The following METTL15 variants were observed in gnomAD, a reference collection of about 807,000 sequenced individuals.
METTL15 encodes 12S rRNA N(4)-cytidine methyltransferase METTL15.
METTL15 carries 34 observed loss-of-function variants against 38.3 expected under a neutral mutation model. The observed-to-expected ratio is 0.89, with a 90% CI of 0.68 to 1.18. METTL15 has a LOEUF of 1.18. Ranked by LOEUF, METTL15 falls within the 50% of genes most tolerant of loss-of-function variation. METTL15 has a pLI of 0.00. For synonymous variants in METTL15, 162 were observed against 170.9 expected, an observed-to-expected ratio of 0.95 and a Z score of 0.41; for missense variants, 438 against 498.4, an observed-to-expected ratio of 0.88 and a Z score of 1.15.
chr11:28,382,380 T>C (rs1850396783), intron 5 of METTL15, among the ~76,000 whole-genome samples: 1 of 152,172 alleles, frequency 6.6e-6, no homozygotes, highest in Non-Finnish European at 1.5e-5. Context: ...TGATGTTTCC[T>C]GTAGGTGAGG....
downstream of METTL15, among the ~76,000 whole-genome samples, chr11:28,531,809 C>T (rs987875290): frequency 2.2e-4 from 34 of 151,998 alleles, no homozygotes; most frequent in African/African-American, 7.7e-4. Context: ...AATCAAATAA[C>T]AAACAGCAAT....
chr11:28,490,115 A>G (rs1851482332), intron 6 of METTL15, among the ~76,000 whole-genome samples: 1 of 152,110 alleles, frequency 6.6e-6, no homozygotes, highest in Admixed American at 6.5e-5. Flanking sequence ...TTCTTGAAGA[A>G]CTTTACTTAT....
chr11:28,276,109 A>G (rs1855832699), intron 4 of METTL15, among the ~76,000 whole-genome samples: 1 of 152,126 alleles, frequency 6.6e-6, no homozygotes, highest in South Asian at 2.1e-4. Flanking sequence ...TAAGCAGGCA[A>G]GAGAAAGAAA....
chr11:28,529,439 A>G (rs934622785), downstream of METTL15, among the ~76,000 whole-genome samples: 2 of 152,046 alleles, frequency 1.3e-5, no homozygotes, highest in African/African-American at 4.8e-5. Flanking sequence ...TTATTCTTCC[A>G]TACTCTCCAT....
At chr11:28,279,129 C>T (rs1032619468) in intron 4 of METTL15, among the ~76,000 whole-genome samples, 7 of 152,080 alleles carry the variant, frequency 4.6e-5, no homozygotes, top group Admixed American at 6.6e-5. Context: ...GCCCAGCTGG[C>T]CTTAGTTTGT....
chr11:28,319,033 C>T (rs1014611514), intron 6 of METTL15, among the ~76,000 whole-genome samples: 1 of 152,144 alleles, frequency 6.6e-6, no homozygotes, highest in African/African-American at 2.4e-5. Context: ...GGATAAGAGA[C>T]CACAGCAGTT....
At chr11:28,124,300 T>G (rs1270032926) in intron 3 of METTL15, among the ~76,000 whole-genome samples, 1 of 152,084 alleles carries the variant, frequency 6.6e-6, no homozygotes, top group Non-Finnish European at 1.5e-5. Flanking sequence ...GGCCTAACGT[T>G]ACTAGAGAAT....
chr11:28,171,494 A>G (rs1850855943), intron 3 of METTL15, among the ~76,000 whole-genome samples: 1 of 152,170 alleles, frequency 6.6e-6, no homozygotes, highest in Non-Finnish European at 1.5e-5. Flanking sequence ...GTGAGATAAA[A>G]CAATTTGTCT....
chr11:28,151,026 GA>G (rs1048879264), intron 3 of METTL15, among the ~76,000 whole-genome samples: 1 of 130,792 alleles, frequency 7.6e-6, no homozygotes, highest in Non-Finnish European at 1.6e-5. Flanking sequence ...AAAAAAAAAA[GA>G]AAAGGAAAAA....
chr11:28,310,965 G>GTGTGT (rs1565244523), intron 6 of METTL15, among the ~76,000 whole-genome samples: 21 of 77,502 alleles, frequency 2.7e-4, no homozygotes, highest in African/African-American at 1.3e-3. Flanking sequence ...GGTGGTGGTG[G>GTGTGT]GTGTGTGTGT....
At chr11:28,367,423 T>G (rs542546582) in intron 5 of METTL15, among the ~76,000 whole-genome samples, 1 of 152,190 alleles carries the variant, frequency 6.6e-6, no homozygotes, top group Admixed American at 6.5e-5. Flanking sequence ...GTCAATATCT[T>G]CCTCTTACAA....
intron 6 of METTL15, among the ~76,000 whole-genome samples, chr11:28,506,014 G>C (rs1851624605): frequency 6.6e-6 from 1 of 152,192 alleles, no homozygotes. Flanking sequence ...AAGTTTGTGA[G>C]AGCCCTCATT....
intron 5 of METTL15, among the ~76,000 whole-genome samples, chr11:28,365,131 G>A (rs1011514822): frequency 9.2e-5 from 14 of 152,118 alleles, no homozygotes; most frequent in African/African-American, 3.4e-4. Flanking sequence ...ATATTGGCCT[G>A]AAGTTTTCTT....
chr11:28,404,825 C>T (rs184432007), intron 5 of METTL15, among the ~76,000 whole-genome samples: 10 of 151,994 alleles, frequency 6.6e-5, no homozygotes, highest in Admixed American at 2.0e-4. Flanking sequence ...AGGACAGAGG[C>T]GCATTTATTT....
chr11:28,136,896 G>A (rs1053752627), intron 3 of METTL15, among the ~76,000 whole-genome samples: 1 of 150,366 alleles, frequency 6.7e-6, no homozygotes. Flanking sequence ...TTGCCAAAAT[G>A]ATGACTTAAA....
At chr11:28,500,771 C>T (rs1455682560) in intron 6 of METTL15, among the ~76,000 whole-genome samples, 2 of 152,168 alleles carry the variant, frequency 1.3e-5, no homozygotes, top group African/African-American at 4.8e-5. Context: ...GATTCACTCT[C>T]CTTGGCCCCC....
chr11:28,276,421 A>G (rs1211894248), intron 4 of METTL15, among the ~76,000 whole-genome samples: 1 of 152,142 alleles, frequency 6.6e-6, no homozygotes, highest in Admixed American at 6.5e-5. Context: ...AAACTACAAA[A>G]CACTCATGAA....
At chr11:28,397,867 A>T (rs1374525777) in intron 5 of METTL15, among the ~76,000 whole-genome samples, 1 of 152,212 alleles carries the variant, frequency 6.6e-6, no homozygotes, top group East Asian at 1.9e-4. Context: ...AGACTGGATT[A>T]AGAAAATGTG....
At chr11:28,420,664 A>T (rs553032697) in intron 5 of METTL15, among the ~76,000 whole-genome samples, 40 of 152,236 alleles carry the variant, frequency 2.6e-4, no homozygotes, top group South Asian at 1.4e-3. Flanking sequence ...AATTTATTTG[A>T]AACAAATCAT....
Sources: allele counts gnomAD v4.1 joint callset (sites outside exome capture counted in the v4.1 genomes callset), GRCh38; gene constraint gnomAD v4.1.1; transcripts MANE v1.5; gene names NCBI Gene and HGNC (gene_info 2026-07-23, HGNC 2026-07-21).